Variants in VIP observed in about 807,000 individuals in gnomAD.
VIP encodes the protein VIP peptides.
VIP carries 18 observed loss-of-function variants against 20.1 expected under a neutral mutation model. The observed-to-expected ratio is 0.90, with a 90% CI of 0.62 to 1.33. The LOEUF is 1.33. VIP is among the 40% of genes most tolerant of loss of function. The pLI is 0.00. For missense variants in VIP, 209 were observed against 199.4 expected (o/e 1.05, Z -0.29); for synonymous variants, 70 against 68.1 (o/e 1.03, Z -0.14).
chr6:152,758,000 C>T (rs2099730687), intron 6 of VIP, among the ~76,000 whole-genome samples: 1 of 151,906 alleles, frequency 6.6e-6, no homozygotes, highest in Non-Finnish European at 1.5e-5. Flanking sequence ...TTTTAAAGGG[C>T]TATGGAGTAA....
At chr6:152,751,598 A>T (rs539578745) in intron 1 of VIP, among the ~76,000 whole-genome samples, 1 of 152,294 alleles carries the variant, frequency 6.6e-6, no homozygotes, top group Admixed American at 6.5e-5. Flanking sequence ...AAGAAGTTCA[A>T]ATCCAGGTGT....
At chr6:152,753,964 A>G (rs917969061) in intron 2 of VIP, among the ~76,000 whole-genome samples, 5 of 152,044 alleles carry the variant, frequency 3.3e-5, no homozygotes, top group Admixed American at 6.6e-5. Flanking sequence ...GTCATATGGC[A>G]TCTACTTTAT....
At chr6:152,751,271 G>A (rs2099729586) in intron 1 of VIP, among the ~76,000 whole-genome samples, 1 of 151,838 alleles carries the variant, frequency 6.6e-6, no homozygotes, top group Non-Finnish European at 1.5e-5. Context: ...AAATTTCAGT[G>A]GGAACATTTG....
At chr6:152,756,679 C>G (rs1046151548) in intron 5 of VIP, among the ~76,000 whole-genome samples, 15 of 151,942 alleles carry the variant, frequency 9.9e-5, no homozygotes, top group Non-Finnish European at 1.8e-4. Context: ...TGTGCATATT[C>G]ACTACTGTTA....
intron 6 of VIP, 131 bp downstream of exon 6, chr6:152,757,315 C>G: frequency 1.6e-6 from 1 of 611,856 alleles, no homozygotes; most frequent in South Asian, 2.2e-5. Context: ...CCAAGACAGA[C>G]ACTTCTACAA....
chr6:152,755,872 A>C (rs963357241), intron 4 of VIP, among the ~76,000 whole-genome samples: 3 of 151,802 alleles, frequency 2.0e-5, no homozygotes, highest in Admixed American at 1.3e-4. Context: ...AGCTATTCCC[A>C]AATTTTTATT....
At chr6:152,755,401 A>G in intron 4 of VIP, 28 bp downstream of exon 4, 1 of 1,314,372 alleles carries the variant, frequency 7.6e-7, no homozygotes, top group Non-Finnish European at 1.0e-6. Flanking sequence ...TTTTTATAAA[A>G]TATGTTATCA....
intron 3 of VIP, 128 bp downstream of exon 3, chr6:152,754,416 G>C (rs2099730098): frequency 1.2e-6 from 1 of 848,422 alleles, no homozygotes; most frequent in Admixed American, 3.2e-5. Context: ...GTTTCTATGT[G>C]TCATGGCTTC....
In VIP at chr6:152,757,115, G is replaced by C. The variant is rs775599361; in HGVS notation, c.487G>C (p.Asp163His). The C allele has an allele frequency of 6.2e-7, 1 of 1,611,682 alleles. No homozygotes were observed. The highest frequency in any genetic ancestry group is 1.1e-5 in the South Asian group (1 of 90,934). ...CTGCAGCAGTGAGGGAGAATCTCCCGACTTTCCAGAAGAGTTAGAAAAATG... is the reference window on the plus strand; with the variant it reads ...CTGCAGCAGTGAGGGAGAATCTCCCCACTTTCCAGAAGAGTTAGAAAAATG... ...GKRSSEGESP[D>H]FPEELEK Residue 163 changes from aspartate (D) to histidine (H), a missense_variant, in exon 6 of 7, where the codon GAC (aspartate) becomes CAC (histidine). Physicochemically the swap from Asp to His is moderately conservative, Grantham distance 81. Coordinates refer to ENST00000367244, the MANE Select transcript of VIP (RefSeq NM_003381.4).
chr6:152,755,126 G>A, intron 3 of VIP, 143 bp from the exon 4 acceptor site: 2 of 508,428 alleles, frequency 3.9e-6, no homozygotes, highest in Non-Finnish European at 6.9e-6. Flanking sequence ...TTGTTAGGGT[G>A]TTAAGAAATC....
chr6:152,753,891 G>C (rs1226950858), intron 2 of VIP, among the ~76,000 whole-genome samples: 2 of 152,014 alleles, frequency 1.3e-5, no homozygotes, highest in East Asian at 1.9e-4. Context: ...AGTATAGTTT[G>C]CTTAATGCTC....
At chr6:152,756,606 A>C (rs2129074943) in intron 5 of VIP, among the ~76,000 whole-genome samples, 1 of 152,112 alleles carries the variant, frequency 6.6e-6, no homozygotes, top group African/African-American at 2.4e-5. Flanking sequence ...ATCAAAAGTG[A>C]TGATTTTTAA....
At chr6:152,753,205 A>G (rs1299463003) in intron 2 of VIP, among the ~76,000 whole-genome samples, 1 of 152,126 alleles carries the variant, frequency 6.6e-6, no homozygotes, top group African/African-American at 2.4e-5. Context: ...TTCTATCTGA[A>G]TAGTTCTACC....
At chr6:152,754,009 A>G (rs796459080) in intron 2 of VIP, among the ~76,000 whole-genome samples, 157 bp from the exon 3 acceptor site, 6 of 152,182 alleles carry the variant, frequency 3.9e-5, no homozygotes, top group African/African-American at 1.4e-4. Context: ...TACTCTCATT[A>G]ACTATATGAG....
In VIP at chr6:152,754,199, T is replaced by C; in HGVS notation, c.141T>C (p.Asn47=). 2.5e-6 allele frequency: 4 copies of C among 1,611,636 alleles called. No homozygotes were observed. Among genetic ancestry groups the C allele is most frequent in the Non-Finnish European group, 3.4e-6 (4 of 1,178,668 alleles). The change falls in exon 3 of 7, where the codon AAT becomes AAC. Residue 47 remains asparagine (N), a synonymous_variant. Transcript: ENST00000367244. The part of the protein sequence containing the change: ...LGDRIPFEGA[N]EPDQVSLKED... ...ACAGAATACCCTTTGAGGGAGCAAATGAACCTGATCAAGTTTCATTAAAAG... is the reference window on the plus strand; with the variant it reads ...ACAGAATACCCTTTGAGGGAGCAAACGAACCTGATCAAGTTTCATTAAAAG...
intron 6 of VIP, among the ~76,000 whole-genome samples, chr6:152,758,103 G>T (rs1583999000): frequency 6.6e-6 from 1 of 151,908 alleles, no homozygotes; most frequent in African/African-American, 2.4e-5. Context: ...GATGTAAAAC[G>T]AATAGGAGTG....
At chr6:152,757,351 C>T (rs946664686) in intron 6 of VIP, among the ~76,000 whole-genome samples, 167 bp downstream of exon 6, 9 of 151,882 alleles carry the variant, frequency 5.9e-5, no homozygotes, top group African/African-American at 1.9e-4. Flanking sequence ...CAGTAAACAG[C>T]TTAGAATGAT....
intron 4 of VIP, 77 bp from the exon 5 acceptor site, chr6:152,756,057 C>CGT: frequency 7.2e-7 from 1 of 1,384,346 alleles, no homozygotes; most frequent in South Asian, 2.0e-5. Context: ...TTATGTGGCT[C>CGT]CAAGAAACCT....
At position 152,756,123 on chromosome 6, in the gene VIP, A is replaced by G. The variant is rs888893705; in HGVS notation, c.336-11A>G. ...AAAACTCTTTGATTTCCTTTTCCTC[A>G]TGTTCCTTAGCAGTAACATCTCAGA... is the stretch of plus-strand genomic sequence containing the variant. On this transcript the variant is annotated splice_polypyrimidine_tract_variant and intron_variant, in intron 4 of 6. Coordinates refer to ENST00000367244, the MANE Select transcript of VIP (RefSeq NM_003381.4). 6.6e-7 allele frequency: 1 copy of G among 1,526,604 alleles called. No individual in the cohort carries two copies. Among genetic ancestry groups the G allele is most frequent in the Non-Finnish European group, 8.8e-7 (1 of 1,138,904 alleles). The allele number at this position is 1,526,604 out of a possible 1,614,324, so 94.6% of individuals were successfully genotyped here.
Sources: gnomAD v4.1 joint callset for allele counts (sites outside exome capture counted in the v4.1 genomes callset) on GRCh38, gnomAD v4.1.1 for gene constraint, MANE v1.5 for transcripts, NCBI Gene and HGNC (gene_info 2026-07-23, HGNC 2026-07-21) for gene names.